The following RBKS variants were observed in gnomAD, a reference collection of about 807,000 sequenced individuals.
RBKS encodes the protein ribokinase.
A neutral mutation model predicts 33.9 loss-of-function variants in RBKS; 33 were observed. The ratio of observed to expected loss-of-function variants is 0.97; its 90% CI spans 0.74 to 1.30. The LOEUF is 1.30. RBKS is among the 50% of genes most tolerant of loss of function. The pLI, the probability that RBKS is intolerant of heterozygous loss-of-function variation, is 0.00. For synonymous variants in RBKS, 125 were observed against 143.0 expected (o/e 0.87, Z 0.90); for missense variants, 361 against 392.6 (o/e 0.92, Z 0.68).
At chr2:27,864,653 T>C (rs944221147) in intron 1 of RBKS, among the ~76,000 whole-genome samples, 1 of 132,544 alleles carries the variant, frequency 7.5e-6, no homozygotes, top group Admixed American at 8.1e-5. Context: ...AATTTTTAAG[T>C]ATTGACTCAT....
At chr2:27,783,318 G>A (rs2148178559) in intron 7 of RBKS, among the ~76,000 whole-genome samples, 1 of 152,212 alleles carries the variant, frequency 6.6e-6, no homozygotes, top group East Asian at 1.9e-4. Flanking sequence ...ATGCTCCAGG[G>A]TCATCTTGTA....
In RBKS at chr2:27,784,359, A is replaced by G. The variant is rs549177215; in HGVS notation, c.796-2571T>C. Among the ~76,000 whole-genome samples the G allele has an allele frequency of 4.6e-5, 7 of 152,296 alleles. No individual in the cohort carries two copies. The East Asian group carries it at 1.4e-3, about 29-fold the overall frequency. Reference sequence around the variant, plus strand: ...GGCTTTCATAACAAATCTTGAGGCTATACCTCAGGCTTTTTAAAGAACCTT... The same window carrying G: ...GGCTTTCATAACAAATCTTGAGGCTGTACCTCAGGCTTTTTAAAGAACCTT... On this transcript the variant is annotated intron_variant, in intron 7 of 7. Coordinates refer to ENST00000302188, the MANE Select transcript of RBKS (RefSeq NM_022128.3).
intron 5 of RBKS, among the ~76,000 whole-genome samples, chr2:27,836,241 C>G (rs1194261874): frequency 6.6e-6 from 1 of 152,048 alleles, no homozygotes; most frequent in African/African-American, 2.4e-5. Context: ...ATAATAGTAT[C>G]TTACATCAAA....
At chr2:27,861,356 G>A in intron 1 of RBKS, 3 of 413,362 alleles carry the variant, frequency 7.3e-6, no homozygotes, top group African/African-American at 2.0e-5. Context: ...GGGAAGCAGG[G>A]GGAGACTGGC....
chr2:27,817,093 A>C (rs1317401504), intron 7 of RBKS, among the ~76,000 whole-genome samples: 1 of 152,164 alleles, frequency 6.6e-6, no homozygotes, highest in African/African-American at 2.4e-5. Flanking sequence ...TTAACACTCA[A>C]ACTAGTTACT....
intron 5 of RBKS, among the ~76,000 whole-genome samples, chr2:27,842,112 G>A (rs1477528612): frequency 1.3e-5 from 2 of 152,162 alleles, no homozygotes; most frequent in Non-Finnish European, 2.9e-5. Context: ...AGGTAATTCT[G>A]CTAGGACCAC....
intron 7 of RBKS, among the ~76,000 whole-genome samples, chr2:27,801,991 T>C (rs1326272454): frequency 1.2e-5 from 1 of 81,794 alleles, no homozygotes; most frequent in Non-Finnish European, 2.2e-5. Flanking sequence ...TATATATATA[T>C]ATTTTTTTTT....
intron 5 of RBKS, among the ~76,000 whole-genome samples, chr2:27,833,868 G>T (rs186106163): frequency 6.6e-6 from 1 of 152,058 alleles, no homozygotes; most frequent in South Asian, 2.1e-4. Context: ...CTCAACCCAG[G>T]TCCACTGACT....
chr2:27,844,276 A>AG (rs1433823576), intron 4 of RBKS, among the ~76,000 whole-genome samples: 32 of 151,816 alleles, frequency 2.1e-4, no homozygotes, highest in Non-Finnish European at 4.0e-4. Context: ...AAAAAAAAAA[A>AG]AAAAGAAATG....
intron 5 of RBKS, among the ~76,000 whole-genome samples, chr2:27,839,899 G>A (rs932892789): frequency 2.0e-5 from 3 of 152,114 alleles, no homozygotes; most frequent in Admixed American, 1.3e-4. Context: ...AGAAAATGAC[G>A]TCCAGAGTGA....
chr2:27,834,583 A>G (rs1678479912), intron 5 of RBKS, among the ~76,000 whole-genome samples: 2 of 152,152 alleles, frequency 1.3e-5, no homozygotes, highest in Non-Finnish European at 2.9e-5. Flanking sequence ...CTCACTTCTG[A>G]GAGGTCTTAG....
At chr2:27,850,699 C>T (rs1425045097) in intron 2 of RBKS, among the ~76,000 whole-genome samples, 1 of 152,084 alleles carries the variant, frequency 6.6e-6, no homozygotes, top group Non-Finnish European at 1.5e-5. Flanking sequence ...TCTCGATGTA[C>T]CAGAGTTTAT....
intron 6 of RBKS, among the ~76,000 whole-genome samples, chr2:27,828,213 A>C (rs1349059980): frequency 6.6e-6 from 1 of 152,216 alleles, no homozygotes; most frequent in African/African-American, 2.4e-5. Flanking sequence ...GCAAATGTTT[A>C]GGTGAAATGT....
chr2:27,864,909 A>G (rs1475419149), intron 1 of RBKS, among the ~76,000 whole-genome samples: 2 of 152,224 alleles, frequency 1.3e-5, no homozygotes, highest in African/African-American at 2.4e-5. Context: ...AAATCCTCTC[A>G]GGGAGAGAAG....
chr2:27,842,012 G>T (rs913840053), intron 5 of RBKS, among the ~76,000 whole-genome samples: 5 of 152,020 alleles, frequency 3.3e-5, no homozygotes, highest in Non-Finnish European at 7.4e-5. Flanking sequence ...CACCATGCTT[G>T]GCATCCTATT....
chr2:27,805,614 G>C (rs915529580), intron 7 of RBKS, among the ~76,000 whole-genome samples: 1 of 151,828 alleles, frequency 6.6e-6, no homozygotes, highest in Non-Finnish European at 1.5e-5. Flanking sequence ...TCACTCTGTC[G>C]CCCAGGCTGG....
In RBKS at chr2:27,881,696, C is replaced by T. The variant is rs377575588; in HGVS notation, c.89+8561G>A. Reference sequence around the variant, plus strand: ...TTCAGGGCTACAGTAACCAAAACAGCATGGTACTGGTACAAAAACAGACAT... The same window carrying T: ...TTCAGGGCTACAGTAACCAAAACAGTATGGTACTGGTACAAAAACAGACAT... On this transcript the variant is annotated intron_variant, in intron 1 of 7. Coordinates refer to ENST00000302188, the MANE Select transcript of RBKS (RefSeq NM_022128.3). Among the ~76,000 whole-genome samples the T allele has an allele frequency of 7.8e-4, 118 of 152,250 alleles. No homozygotes were observed. In the Middle Eastern group the frequency reaches 0.017, roughly 22 times the overall value.
In RBKS at chr2:27,784,826, A is replaced by G. The variant is rs1356643465; in HGVS notation, c.796-3038T>C. 2.0e-5 allele frequency among the ~76,000 whole-genome samples: 3 copies of G among 152,194 alleles called. No individual in the cohort carries two copies. In the East Asian group the frequency reaches 5.8e-4, roughly 29 times the overall value. ...GAGTGCCTAAAATGTGTTAGGCCCT[A>G]TGCTAGGTGCTTTGCAACATTTACT... On this transcript the variant is annotated intron_variant, in intron 7 of 7. Transcript: ENST00000302188.
chr2:27,858,587 A>G lies in RBKS; in HGVS notation c.90-16T>C, dbSNP rs777998068. ...AGAAGTAAGACTATTGTAATTTAAA[A>G]AGAGAAGAAAAAAGCATATTGGTAA... On this transcript the variant is annotated splice_polypyrimidine_tract_variant and intron_variant, in intron 1 of 7. Coordinates refer to ENST00000302188, the MANE Select transcript of RBKS (RefSeq NM_022128.3). 1 of 1,607,348 alleles carries G rather than the reference A, an allele frequency of 6.2e-7. No homozygotes were observed. Among genetic ancestry groups the G allele is most frequent in the African/African-American group, 1.3e-5 (1 of 74,460 alleles).
Sources: allele counts gnomAD v4.1 joint callset (sites outside exome capture counted in the v4.1 genomes callset), GRCh38; gene constraint gnomAD v4.1.1; transcripts MANE v1.5; gene names NCBI Gene and HGNC (gene_info 2026-07-23, HGNC 2026-07-21).